The following TTC7A variants were observed in gnomAD, a reference collection of about 807,000 sequenced individuals.
The protein encoded by TTC7A is tetratricopeptide repeat protein 7A.
TTC7A carries 110 observed loss-of-function variants against 103.7 expected under a neutral mutation model. The observed-to-expected ratio is 1.06, with a 90% CI of 0.91 to 1.24. The LOEUF (loss-of-function observed/expected upper bound fraction) is 1.24. TTC7A is among the 50% of genes most tolerant of loss of function. The pLI is 0.00. For synonymous variants in TTC7A, 521 were observed against 467.9 expected, an observed-to-expected ratio of 1.11 and a Z score of -1.47; for missense variants, 1,340 against 1,116.3, an observed-to-expected ratio of 1.20 and a Z score of -2.86.
At chr2:47,020,147 G>T (rs1219419358) in intron 11 of TTC7A, among the ~76,000 whole-genome samples, 1 of 152,196 alleles carries the variant, frequency 6.6e-6, no homozygotes, top group Non-Finnish European at 1.5e-5. Flanking sequence ...TCAGTGAAGG[G>T]CTGTGGGGAG....
intron 19 of TTC7A, among the ~76,000 whole-genome samples, chr2:47,062,633 G>A (rs1190424585): frequency 3.3e-5 from 5 of 152,228 alleles, no homozygotes; most frequent in South Asian, 4.1e-4. Flanking sequence ...CTGTGTTCAC[G>A]GATATAAGCC....
At chr2:46,936,953 C>G (rs1670009633), upstream of TTC7A, among the ~76,000 whole-genome samples, 1 of 151,692 alleles carries the variant, frequency 6.6e-6, no homozygotes, top group African/African-American at 2.4e-5. Flanking sequence ...CTCCTGGGCT[C>G]AAGCGATCCT....
chr2:47,000,452 C>G (rs529717675), intron 8 of TTC7A, among the ~76,000 whole-genome samples: 54 of 152,340 alleles, frequency 3.5e-4, no homozygotes, highest in African/African-American at 1.3e-3. Flanking sequence ...GCCTCTCTCT[C>G]TAACCGGCAG....
At position 47,050,055 on chromosome 2, in the gene TTC7A, G is replaced by A. The variant is rs370376585; in HGVS notation, c.2017+9G>A. 202 of 1,609,392 alleles carry A rather than the reference G, an allele frequency of 1.3e-4. No individual in the cohort carries two copies. The highest frequency in any genetic ancestry group is 7.1e-4 in the South Asian group (65 of 90,956). On this transcript the variant is annotated intron_variant, in intron 17 of 19. Transcript: ENST00000319190. ...CCATGATGCAGACTCTGGTAAGAACGAGCTCCTTGGGCCACTGTGTGCATG... is the reference window on the plus strand; with the variant it reads ...CCATGATGCAGACTCTGGTAAGAACAAGCTCCTTGGGCCACTGTGTGCATG...
intron 19 of TTC7A, chr2:47,068,420 A>G (rs1684364956): frequency 6.6e-6 from 1 of 152,100 alleles, no homozygotes; most frequent in Admixed American, 6.5e-5. Flanking sequence ...GGTCTAGGCC[A>G]TGAGAGGACA....
chr2:47,049,463 G>A lies in TTC7A; in HGVS notation c.1920-486G>A, dbSNP rs540230816. ...GAGATCTGCCACCCCAGGGGCCTCC[G>A]CTGGCTCTTCTGGGGACCCCCTGGC... On this transcript the variant is annotated intron_variant, in intron 16 of 19. Transcript: ENST00000319190. 1.4e-4 allele frequency among the ~76,000 whole-genome samples: 21 copies of A among 152,124 alleles called. No homozygotes were observed. In the East Asian group the frequency reaches 2.7e-3, roughly 20 times the overall value.
upstream of TTC7A, among the ~76,000 whole-genome samples, chr2:46,939,237 G>A (rs1252376485): frequency 1.3e-5 from 2 of 152,052 alleles, no homozygotes; most frequent in Non-Finnish European, 2.9e-5. Flanking sequence ...TTGTACAATA[G>A]CCTCTAAAAC....
intron 3 of TTC7A, among the ~76,000 whole-genome samples, chr2:46,962,625 T>C (rs1672487811): frequency 6.6e-6 from 1 of 152,244 alleles, no homozygotes; most frequent in Non-Finnish European, 1.5e-5. Flanking sequence ...GTGGCTGGTC[T>C]GCTGCTCCTG....
At chr2:46,987,809 C>CGCGTGTGTGTGTGTGT (rs1466713336) in intron 5 of TTC7A, among the ~76,000 whole-genome samples, 37 of 144,638 alleles carry the variant, frequency 2.6e-4, no homozygotes, top group East Asian at 6.1e-4. Flanking sequence ...CCTTTCCGCG[C>CGCGTGTGTGTGTGTGT]GTGTGTGTGT....
Position 46,994,508 on chromosome 2 carries a change from G to A in TTC7A, c.995G>A (p.Gly332Glu), listed in dbSNP as rs1171967462. The stretch of plus-strand genomic sequence containing the variant: ...CTGCGGAAACCTCACCTCTATGAAG[G>A]AGACAAGTAAGTTCTGCCTGCCCTG... Reference protein sequence around the residue: ...QALRKPHLYEGDNLYCPKDNI... With the variant: ...QALRKPHLYEEDNLYCPKDNI... Residue 332 changes from glycine (G) to glutamate (E), a missense_variant, in exon 7 of 20, where the codon GGA (glycine) becomes GAA (glutamate). By Grantham distance (98) the Gly-to-Glu change is moderately conservative. Coordinates refer to ENST00000319190, the MANE Select transcript of TTC7A (RefSeq NM_020458.4). The A allele has an allele frequency of 1.2e-6, 2 of 1,613,762 alleles. No homozygotes were observed. The highest frequency in any genetic ancestry group is 3.3e-5 in the Admixed American group (2 of 59,972).
At chr2:46,923,907 T>C (rs1206300049) in intron 2 of TTC7A, among the ~76,000 whole-genome samples, 3 of 152,066 alleles carry the variant, frequency 2.0e-5, no homozygotes, top group African/African-American at 4.8e-5. Flanking sequence ...TAATTTTCTT[T>C]GTATTTTTAG....
intron 19 of TTC7A, among the ~76,000 whole-genome samples, chr2:47,063,851 A>T (rs1438440125): frequency 2.0e-5 from 3 of 152,192 alleles, no homozygotes; most frequent in African/African-American, 7.2e-5. Context: ...AGGTATTCTT[A>T]GTGTGCTGTG....
intron 2 of TTC7A, among the ~76,000 whole-genome samples, chr2:46,920,499 T>G (rs1342696178): frequency 6.6e-6 from 1 of 151,996 alleles, no homozygotes; most frequent in Non-Finnish European, 1.5e-5. Flanking sequence ...CCAGCTAATT[T>G]TTTGTATTTT....
intron 2 of TTC7A, among the ~76,000 whole-genome samples, chr2:46,930,932 T>C (rs1263930257): frequency 6.6e-6 from 1 of 152,236 alleles, no homozygotes; most frequent in Non-Finnish European, 1.5e-5. Context: ...TCTGATTCAT[T>C]TACAAAGCTA....
intron 19 of TTC7A, among the ~76,000 whole-genome samples, chr2:47,063,222 G>GTGT (rs541378667): frequency 1.5e-3 from 230 of 152,302 alleles, no homozygotes; most frequent in African/African-American, 5.1e-3. Flanking sequence ...CATGCTCCTG[G>GTGT]TGTCCCCTTT....
intron 1 of TTC7A, among the ~76,000 whole-genome samples, chr2:46,946,754 C>T (rs1032887621): frequency 1.3e-5 from 2 of 152,112 alleles, no homozygotes; most frequent in Admixed American, 6.5e-5. Flanking sequence ...AAGTCTAGAA[C>T]TTCTAATTCC....
At position 46,941,360 on chromosome 2, in the gene TTC7A, G is replaced by T. The variant is rs2103884564; in HGVS notation, c.-182G>T. 2 of 364,850 alleles carry T rather than the reference G, an allele frequency of 5.5e-6. No homozygotes were observed. The highest frequency in any genetic ancestry group is 1.7e-4 in the East Asian group (2 of 11,450). The allele number at this position is 364,850 out of a possible 1,614,324, so 22.6% of individuals were successfully genotyped here. On this transcript the variant is annotated 5_prime_UTR_variant, in exon 1 of 20. Coordinates refer to ENST00000319190, the MANE Select transcript of TTC7A (RefSeq NM_020458.4). This position sits in a 1 kb window ranked among gnomAD's most constrained non-coding sequence, Gnocchi z 4.2. ...GGCGCCGGGCGGTGCGCTGGGAGCT[G>T]CTGGTGCTGCTGCTGCTGCTGCTGC... is the stretch of plus-strand genomic sequence containing the variant.
At chr2:46,979,030 G>A (rs183244523) in intron 5 of TTC7A, 123 bp downstream of exon 5, 5 of 656,834 alleles carry the variant, frequency 7.6e-6, no homozygotes, top group African/African-American at 1.8e-5. Context: ...AAGAGGATTG[G>A]TGGGAACTGG....
chr2:47,026,226 G>C (rs1679900677), intron 14 of TTC7A, among the ~76,000 whole-genome samples: 1 of 152,188 alleles, frequency 6.6e-6, no homozygotes, highest in Admixed American at 6.5e-5. Flanking sequence ...ACATCTGGCT[G>C]GCCGGCACAG....
Sources: gnomAD v4.1 joint callset for allele counts (sites outside exome capture counted in the v4.1 genomes callset) on GRCh38, gnomAD v4.1.1 for gene constraint, Gnocchi (gnomAD v3.1) non-coding constraint, MANE v1.5 for transcripts, NCBI Gene and HGNC (gene_info 2026-07-23, HGNC 2026-07-21) for gene names.